FILIP1L: variants seen among roughly 807,000 people sequenced by gnomAD.
FILIP1L encodes filamin A interacting protein 1 like.
A neutral mutation model predicts 96.6 loss-of-function variants in FILIP1L; 55 were observed. The ratio of observed to expected loss-of-function variants is 0.57; its 90% confidence interval spans 0.46 to 0.71. The LOEUF (loss-of-function observed/expected upper bound fraction) is 0.71, where lower values mean the gene tolerates loss of function less well. Among genes scored for constraint, FILIP1L ranks in the 30% least tolerant of loss-of-function variants. The pLI is 0.00. For synonymous variants in FILIP1L, 467 were observed against 473.9 expected, an observed-to-expected ratio of 0.99 and a Z score of 0.19; for missense variants, 1,304 against 1,321.2, an observed-to-expected ratio of 0.99 and a Z score of 0.20.
chr3:99,965,006 T>A (rs1273467414), intron 1 of FILIP1L, among the ~76,000 whole-genome samples: 1 of 152,226 alleles, frequency 6.6e-6, no homozygotes, highest in Non-Finnish European at 1.5e-5. Flanking sequence ...AAGTACCTGA[T>A]ATACTTAGAT....
rs887255913 is a variant in FILIP1L at position 99,941,012 on chromosome 3, A to G, written c.-10-9982T>C. On this transcript the variant is annotated intron_variant, in intron 1 of 5. Coordinates refer to ENST00000477258, the MANE Select transcript of FILIP1L (RefSeq NM_001387850.1). ...GCTCCCCTTTCCCAGCATCTCAGGT[A>G]TACTCCATTTATCTTCCTATAACTG... is the stretch of plus-strand genomic sequence containing the variant. Among the ~76,000 whole-genome samples the G allele has an allele frequency of 3.3e-5, 5 of 152,246 alleles. No homozygotes were observed. The East Asian group carries it at 9.6e-4, about 29-fold the overall frequency.
intron 1 of FILIP1L, among the ~76,000 whole-genome samples, chr3:99,964,983 AT>A (rs1652535841): frequency 6.6e-6 from 1 of 152,200 alleles, no homozygotes. Context: ...GATCCTTTTC[AT>A]TGTATTTCTT....
chr3:100,094,097 A>T (rs893968159), intron 1 of FILIP1L, among the ~76,000 whole-genome samples: 1 of 152,200 alleles, frequency 6.6e-6, no homozygotes, highest in Non-Finnish European at 1.5e-5. Context: ...ATTTGGTGTC[A>T]TCACTATTTT....
rs761912882 is a variant in FILIP1L at position 99,924,246 on chromosome 3, C to G, written c.589G>C (p.Glu197Gln). The change falls in exon 4 of 6, where the codon GAA (glutamate) becomes CAA (glutamine). Residue 197 changes from glutamate to glutamine, a missense_variant. By Grantham distance (29) the Glu-to-Gln change is conservative. Coordinates refer to ENST00000477258, the MANE Select transcript of FILIP1L (RefSeq NM_001387850.1). ...CAGCCTTACCTTTCACATTCCTGTTCTAGTAGGCATATGAATTCATCACTC... is the reference window on the plus strand; with the variant it reads ...CAGCCTTACCTTTCACATTCCTGTTGTAGTAGGCATATGAATTCATCACTC... ...EKSDEFICLL[E>Q]QECERLKKLI... 1 of 1,613,686 alleles carries G rather than the reference C, an allele frequency of 6.2e-7. No homozygotes were observed. The highest frequency in any genetic ancestry group is 1.1e-5 in the South Asian group (1 of 90,854).
chr3:99,943,502 G>A (rs1707911403), intron 1 of FILIP1L, among the ~76,000 whole-genome samples: 1 of 152,248 alleles, frequency 6.6e-6, no homozygotes, highest in African/African-American at 2.4e-5. Flanking sequence ...TCAGGAGTTT[G>A]AGACCAGCCT....
rs1457038210 is a variant in FILIP1L, at chr3:99,924,156, T to C, written c.605+74A>G. Reference sequence around the variant, plus strand: ...AGAGACTGTGTCATATTTATCTTTGTATCCCTGAGACCTGGTACAGTGGCC... The same window carrying C: ...AGAGACTGTGTCATATTTATCTTTGCATCCCTGAGACCTGGTACAGTGGCC... On this transcript the variant is annotated intron_variant, in intron 4 of 5. Coordinates refer to ENST00000477258, the MANE Select transcript of FILIP1L (RefSeq NM_001387850.1). 2.5e-6 allele frequency: 3 copies of C among 1,215,378 alleles called. No individual in the cohort carries two copies. In the East Asian group the frequency reaches 7.0e-5, roughly 28 times the overall value. 75.3% of individuals were successfully genotyped at this position (1,215,378 alleles called of 1,614,324 possible). A position where few individuals can be genotyped will look rare whatever the true frequency, so the allele number is the denominator to read the frequency against.
chr3:99,923,205 C>G (rs1004823111), intron 4 of FILIP1L, among the ~76,000 whole-genome samples: 1 of 152,090 alleles, frequency 6.6e-6, no homozygotes, highest in Non-Finnish European at 1.5e-5. Context: ...ACACCAACAC[C>G]CACAGTTTCA....
chr3:99,948,427 A>G (rs1448368263), intron 1 of FILIP1L, among the ~76,000 whole-genome samples: 1 of 151,576 alleles, frequency 6.6e-6, no homozygotes, highest in East Asian at 1.9e-4. Flanking sequence ...AGTCCCATCT[A>G]CTCGTGAGGC....
chr3:100,021,556 G>A (rs1041798021), intron 1 of FILIP1L, among the ~76,000 whole-genome samples: 20 of 152,282 alleles, frequency 1.3e-4, no homozygotes, highest in Admixed American at 6.5e-5. Context: ...AGGAGCTATC[G>A]TGAGCTCTTG....
At chr3:99,953,004 G>C (rs11719468) in intron 1 of FILIP1L, among the ~76,000 whole-genome samples, 74,947 of 151,946 alleles carry the variant, frequency 0.49, 18,891 homozygotes, top group East Asian at 0.69. Context: ...GGTCTCTGAA[G>C]GTGGATTTTC....
At chr3:99,927,064 C>T (rs892113844) in intron 3 of FILIP1L, among the ~76,000 whole-genome samples, 5 of 152,246 alleles carry the variant, frequency 3.3e-5, no homozygotes, top group South Asian at 2.1e-4. Flanking sequence ...ATCTTCCCAC[C>T]GATCCTACCC....
Position 99,849,672 on chromosome 3 carries a change from G to C in FILIP1L, c.2004C>G (p.Asp668Glu), listed in dbSNP as rs770856945. 1 of 1,613,308 alleles carries C rather than the reference G, an allele frequency of 6.2e-7. No individual in the cohort carries two copies. The highest frequency in any genetic ancestry group is 8.5e-7 in the Non-Finnish European group (1 of 1,179,904). ...GCTCTTTAGATAAAAATTGAGCTTTGTCTCGTTCATTAGCATACCTTCGTT... is the reference window on the plus strand; with the variant it reads ...GCTCTTTAGATAAAAATTGAGCTTTCTCTCGTTCATTAGCATACCTTCGTT... ...TLERRYANER[D>E]KAQFLSKELE... Residue 668 changes from aspartate to glutamate, a missense_variant, in exon 5 of 6, where the codon GAC (aspartate) becomes GAG (glutamate). Coordinates refer to ENST00000477258, the MANE Select transcript of FILIP1L (RefSeq NM_001387850.1).
intron 5 of FILIP1L, 135 bp downstream of exon 5, chr3:99,848,160 C>G (rs1943452784): frequency 6.5e-7 from 1 of 1,529,500 alleles, no homozygotes; most frequent in Non-Finnish European, 8.8e-7. Flanking sequence ...AGTTCATGCA[C>G]AAACCTTCCC....
At chr3:99,926,335 T>C (rs1707291788) in intron 3 of FILIP1L, among the ~76,000 whole-genome samples, 1 of 152,242 alleles carries the variant, frequency 6.6e-6, no homozygotes, top group Non-Finnish European at 1.5e-5. Flanking sequence ...GCCAGTCCTT[T>C]TGTGAAAGCT....
intron 1 of FILIP1L, among the ~76,000 whole-genome samples, chr3:100,107,141 T>G (rs2066409128): frequency 6.6e-6 from 1 of 152,208 alleles, no homozygotes; most frequent in Non-Finnish European, 1.5e-5. Flanking sequence ...AAAAAAATCC[T>G]TGTTTTATAT....
At chr3:100,104,875 A>T (rs535801192) in intron 1 of FILIP1L, among the ~76,000 whole-genome samples, 1 of 152,166 alleles carries the variant, frequency 6.6e-6, no homozygotes, top group Non-Finnish European at 1.5e-5. Flanking sequence ...AGCTATTGCC[A>T]TCCTTGTTTC....
intron 4 of FILIP1L, among the ~76,000 whole-genome samples, chr3:99,912,099 G>A (rs1411032702): frequency 6.6e-6 from 1 of 152,032 alleles, no homozygotes; most frequent in South Asian, 2.1e-4. Flanking sequence ...TATCTATCTT[G>A]TTGGTCATTT....
intron 1 of FILIP1L, among the ~76,000 whole-genome samples, chr3:100,068,690 C>T (rs773842765): frequency 6.6e-6 from 1 of 152,132 alleles, no homozygotes; most frequent in African/African-American, 2.4e-5. Context: ...TGCAGTTGCA[C>T]GATCTCGGCT....
intron 5 of FILIP1L, among the ~76,000 whole-genome samples, chr3:99,846,192 C>G (rs1368156351): frequency 2.0e-5 from 3 of 152,174 alleles, no homozygotes; most frequent in African/African-American, 7.2e-5. Context: ...CAAGAGGAAC[C>G]TGGGGTGATG....
Sources: allele counts gnomAD v4.1 joint callset (sites outside exome capture counted in the v4.1 genomes callset), GRCh38; gene constraint gnomAD v4.1.1; transcripts MANE v1.5; gene names NCBI Gene and HGNC (gene_info 2026-07-23, HGNC 2026-07-21).